The following CYP11B2 variants were observed in gnomAD, a reference collection of about 807,000 sequenced individuals.
CYP11B2 encodes cytochrome P450 11B2, mitochondrial.
In CYP11B2, 38 loss-of-function variants were observed where a neutral mutation model predicts 49.3. That is an observed-to-expected ratio of 0.77 (90% confidence interval 0.59 to 1.01). The LOEUF is 1.01. Ranked by LOEUF, CYP11B2 falls within the 50% of genes least tolerant of loss-of-function variation. CYP11B2 has a pLI of 0.00. For synonymous variants in CYP11B2, 290 were observed against 269.3 expected (o/e 1.08, Z -0.75); for missense variants, 669 against 655.5 (o/e 1.02, Z -0.23).
rs1341992418 is a variant in CYP11B2, at chr8:142,913,332, T to G, written c.1074A>C (p.Ala358=). 2 of 1,613,442 alleles carry G rather than the reference T, an allele frequency of 1.2e-6. No individual in the cohort carries two copies. Among genetic ancestry groups the G allele is most frequent in the South Asian group, 2.2e-5 (2 of 91,032 alleles). ...CCCGCAGCAAGGGCAGCTCGGTGGT[T>G]GCCTTCTGGGGATGTTCACTGATGC... ...AASISEHPQK[A]TTELPLLRAA... Residue 358 remains alanine, a synonymous_variant, in exon 6 of 9, where the codon GCA becomes GCC. Transcript: ENST00000323110.
Position 142,912,407 on chromosome 8 carries a change from C to T in CYP11B2, c.1398+123G>A, listed in dbSNP as rs181555072. ...ACAGATCCTCCCTGGTCACGCCGAC[C>T]TCAACCAACCAAGGCCCCATCCACT... On this transcript the variant is annotated intron_variant, in intron 8 of 8. Coordinates refer to ENST00000323110, the MANE Select transcript of CYP11B2 (RefSeq NM_000498.3). The T allele has an allele frequency of 1.1e-5, 13 of 1,162,116 alleles. No homozygotes were observed. In the African/African-American group the frequency reaches 1.2e-4, roughly 11 times the overall value. 72.0% of individuals were successfully genotyped at this position (1,162,116 alleles called of 1,614,324 possible). A position where few individuals can be genotyped will look rare whatever the true frequency, so the allele number is the denominator to read the frequency against.
chr8:142,913,595 C>T, intron 5 of CYP11B2, 144 bp from the exon 6 acceptor site: 2 of 972,788 alleles, frequency 2.1e-6, no homozygotes, highest in Non-Finnish European at 3.2e-6. Flanking sequence ...GGATCTGAAA[C>T]CTTGATGACC....
chr8:142,914,765 A>C lies in CYP11B2; in HGVS notation c.739T>G (p.Trp247Gly). ...LMFMPRSLSR[W>G]ISPKVWKEHF... ...TCCTTCCACACCTTGGGGCTGATCC[A>C]GCGAGACAGGCTCCTGGGCATGAAC... The change falls in exon 4 of 9, where the codon TGG (tryptophan) becomes GGG (glycine). Residue 247 changes from tryptophan to glycine, a missense_variant. Trp to Gly is a radical substitution (Grantham distance 184). Transcript: ENST00000323110. 6.2e-7 allele frequency: 1 copy of C among 1,613,588 alleles called. No individual in the cohort carries two copies. The highest frequency in any genetic ancestry group is 8.5e-7 in the Non-Finnish European group (1 of 1,179,952).
At position 142,917,643 on chromosome 8, in the gene CYP11B2, C is replaced by T; in HGVS notation, c.198G>A (p.Leu66=). The T allele has an allele frequency of 6.2e-7, 1 of 1,614,260 alleles. No individual in the cohort carries two copies. Among genetic ancestry groups the T allele is most frequent in the Non-Finnish European group, 8.5e-7 (1 of 1,180,048 alleles). Residue 66 remains leucine (L), a synonymous_variant, in exon 1 of 9, where the codon CTG becomes CTA. Coordinates refer to ENST00000323110, the MANE Select transcript of CYP11B2 (RefSeq NM_000498.3). ...WREQGYEHLH[L]EMHQTFQELG... ...GCTCCTGGAAGGTCTGGTGCATCTC[C>T]AGGTGCAGGTGCTCATAACCCTGCT...
rs5310 is a variant in CYP11B2 at position 142,914,393 on chromosome 8, G to A, written c.825C>T (p.Tyr275=). The stretch of plus-strand genomic sequence containing the variant: ...GAGGGCGGTTGAAGGCCAGTTCCTG[G>A]TAGATTTTCTGGATACAGTTGTCAC... ...QYGDNCIQKI[Y]QELAFNRPQH... The change falls in exon 5 of 9, where the codon TAC becomes TAT. Residue 275 remains tyrosine, a synonymous_variant. Transcript: ENST00000323110. The A allele has an allele frequency of 1.0e-3, 1,630 of 1,611,862 alleles. 22 individuals carry two copies. In the African/African-American group the frequency reaches 0.019, roughly 19 times the overall value.
intron 5 of CYP11B2, 79 bp from the exon 6 acceptor site, chr8:142,913,530 C>A: frequency 6.4e-7 from 1 of 1,558,456 alleles, no homozygotes; most frequent in Non-Finnish European, 8.8e-7. Context: ...GGACAACCTC[C>A]CTCTGAGGGG....
In CYP11B2 at chr8:142,911,999, G is replaced by A. The variant is rs1586573207; in HGVS notation, c.1493C>T (p.Thr498Ile). 1.9e-6 allele frequency: 3 copies of A among 1,614,052 alleles called. No homozygotes were observed. The highest frequency in any genetic ancestry group is 2.5e-6 in the Non-Finnish European group (3 of 1,179,962). Reference protein sequence around the residue: ...ILRPGTSPLLTFRAIN With the variant: ...ILRPGTSPLLIFRAIN ...GCAAGACTAGTTAATCGCTCTGAAAGTGAGGAGGGGGGACGTGCCAGGCCT... is the reference window on the plus strand; with the variant it reads ...GCAAGACTAGTTAATCGCTCTGAAAATGAGGAGGGGGGACGTGCCAGGCCT... The change falls in exon 9 of 9, where the codon ACT becomes ATT. Residue 498 changes from threonine to isoleucine, a missense_variant. By Grantham distance (89) the Thr-to-Ile change is moderately conservative. Coordinates refer to ENST00000323110, the MANE Select transcript of CYP11B2 (RefSeq NM_000498.3).
chr8:142,912,466 G>A lies in CYP11B2; in HGVS notation c.1398+64C>T, dbSNP rs1046820497. 70 of 1,543,390 alleles carry A rather than the reference G, an allele frequency of 4.5e-5. No individual in the cohort carries two copies. In the African/African-American group the frequency reaches 7.1e-4, roughly 16 times the overall value. On this transcript the variant is annotated intron_variant, in intron 8 of 8. Transcript: ENST00000323110. ...GTGTCAATCACACCATGCAAGCCCC[G>A]CCCCCAGTGTGCAGGTCCCGCCTCT...
chr8:142,914,294 A>G lies in CYP11B2; in HGVS notation c.924T>C (p.Ser308=), dbSNP rs764640232. The G allele has an allele frequency of 1.2e-6, 2 of 1,614,158 alleles. No homozygotes were observed. The highest frequency in any genetic ancestry group is 2.2e-5 in the East Asian group (1 of 44,864). ...ELSLEAIKAN[S]MELTAGSVDT... ...CCACGCTCCCTGCAGTGAGTTCCAT[A>G]GAGTTGGCCTTGATGGCTTCTAGTG... Residue 308 remains serine, a synonymous_variant, in exon 5 of 9, where the codon TCT becomes TCC. Transcript: ENST00000323110.
intron 6 of CYP11B2, 54 bp from the exon 7 acceptor site, chr8:142,912,939 G>C (rs1817567029): frequency 1.0e-5 from 16 of 1,542,558 alleles, no homozygotes; most frequent in Non-Finnish European, 1.3e-5. Flanking sequence ...GGCTTCCTGT[G>C]CTCTCTGCAC....
Position 142,917,095 on chromosome 8 carries a change from C to G in CYP11B2, c.359G>C (p.Arg120Thr). Reference sequence around the variant, plus strand: ...GCCACATTTGTGCCCACGATGTTGTCTGTAGGCCACCCAGGGCTCCAGGAT... The same window carrying G: ...GCCACATTTGTGCCCACGATGTTGTGTGTAGGCCACCCAGGGCTCCAGGAT... ...RMILEPWVAY[R>T]QHRGHKCGVF... is the part of the protein sequence containing the mutation. Residue 120 changes from arginine (R) to threonine (T), a missense_variant, in exon 2 of 9, where the codon AGA (arginine) becomes ACA (threonine). By Grantham distance (71) the Arg-to-Thr change is moderately conservative. Transcript: ENST00000323110. 1 of 1,614,238 alleles carries G rather than the reference C, an allele frequency of 6.2e-7. No homozygotes were observed. Among genetic ancestry groups the G allele is most frequent in the South Asian group, 1.1e-5 (1 of 91,090 alleles).
chr8:142,911,926 G>A lies in CYP11B2; in HGVS notation c.*54C>T. On this transcript the variant is annotated 3_prime_UTR_variant, in exon 9 of 9. Transcript: ENST00000323110. Reference sequence around the variant, plus strand: ...TGGGAGAGAAGACAGGTGGCCTGGGGTCAGGCAGAGGGAAGCTGGTGGCCA... The same window carrying A: ...TGGGAGAGAAGACAGGTGGCCTGGGATCAGGCAGAGGGAAGCTGGTGGCCA... 1 of 1,612,868 alleles carries A rather than the reference G, an allele frequency of 6.2e-7. No individual in the cohort carries two copies. The highest frequency in any genetic ancestry group is 1.1e-5 in the South Asian group (1 of 91,002).
chr8:142,914,109 C>T (rs954722728), intron 5 of CYP11B2, 155 bp downstream of exon 5: 36 of 839,064 alleles, frequency 4.3e-5, no homozygotes, highest in African/African-American at 6.7e-5. Flanking sequence ...CAAATCTCAT[C>T]CCTTAACAAA....
At chr8:142,913,002 G>T in intron 6 of CYP11B2, 117 bp from the exon 7 acceptor site, 3 of 1,072,202 alleles carry the variant, frequency 2.8e-6, no homozygotes, top group Non-Finnish European at 4.0e-6. Flanking sequence ...AGCCCAGGTC[G>T]TAGGAAGTAC....
rs1259620194 is a variant in CYP11B2 at position 142,917,829 on chromosome 8, CCT to C, written c.10_11del (p.Arg4GlyfsTer23). The C allele has an allele frequency of 6.2e-7, 1 of 1,613,892 alleles. No individual in the cohort carries two copies. The highest frequency in any genetic ancestry group is 8.5e-7 in the Non-Finnish European group (1 of 1,180,042). On this transcript the variant is annotated frameshift_variant, in exon 1 of 9. Coordinates refer to ENST00000323110, the MANE Select transcript of CYP11B2 (RefSeq NM_000498.3). LOFTEE classifies it high-confidence loss of function. MAL[R>X]AKAEVCVAAP... ...CTGCCACGCACACCTCTGCCTTTGC[CCT>C]GAGTGCCATTCCAATGCTCCCTCCA...
At position 142,911,855 on chromosome 8, in the gene CYP11B2, T is replaced by A; in HGVS notation, c.*125A>T. ...TGGAGGCCCTGGGGAGTTCCATTTGTGCAGGAGCTGGCTGGACAGAGGGGT... is the reference window on the plus strand; with the variant it reads ...TGGAGGCCCTGGGGAGTTCCATTTGAGCAGGAGCTGGCTGGACAGAGGGGT... On this transcript the variant is annotated 3_prime_UTR_variant, in exon 9 of 9. Coordinates refer to ENST00000323110, the MANE Select transcript of CYP11B2 (RefSeq NM_000498.3). The A allele has an allele frequency of 1.4e-6, 2 of 1,463,604 alleles. No individual in the cohort carries two copies. Among genetic ancestry groups the A allele is most frequent in the Non-Finnish European group, 1.9e-6 (2 of 1,074,444 alleles). 90.7% of individuals were successfully genotyped at this position (1,463,604 alleles called of 1,614,324 possible). A position where few individuals can be genotyped will look rare whatever the true frequency, so the allele number is the denominator to read the frequency against.
At chr8:142,914,176 A>G in intron 5 of CYP11B2, 88 bp downstream of exon 5, 1 of 1,457,708 alleles carries the variant, frequency 6.9e-7, no homozygotes, top group Non-Finnish European at 9.6e-7. Context: ...GGGATGGGGA[A>G]CGTGGGTGCC....
rs762371852 is a variant in CYP11B2, at chr8:142,915,054, G to A, written c.587C>T (p.Thr196Ile). ...LDVQPSIFHY[T>I]IEASNLALFG... Reference sequence around the variant, plus strand: ...TCCCGCATGGCCCACACCTTCTATGGTGTAGTGGAAGATGCTGGGCTGGAC... The same window carrying A: ...TCCCGCATGGCCCACACCTTCTATGATGTAGTGGAAGATGCTGGGCTGGAC... The change falls in exon 3 of 9, where the codon ACC becomes ATC. Residue 196 changes from threonine (T) to isoleucine (I), a missense_variant. Transcript: ENST00000323110. 15 of 1,613,732 alleles carry A rather than the reference G, an allele frequency of 9.3e-6. No individual in the cohort carries two copies. In the South Asian group the frequency reaches 1.5e-4, roughly 17 times the overall value.
intron 3 of CYP11B2, 37 bp from the exon 4 acceptor site, chr8:142,914,945 C>T (rs1817614386): frequency 1.2e-6 from 2 of 1,609,750 alleles, no homozygotes; most frequent in Admixed American, 1.7e-5. Flanking sequence ...CAAGGCAGCC[C>T]CAGGCCTCCT....
Sources: gnomAD v4.1 joint callset for allele counts on GRCh38, gnomAD v4.1.1 for gene constraint, MANE v1.5 for transcripts, NCBI Gene and HGNC (gene_info 2026-07-23, HGNC 2026-07-21) for gene names.